Variants in LARGE1 observed in about 807,000 individuals in gnomAD.
LARGE1 encodes the protein LARGE xylosyl- and glucuronyltransferase 1.
In LARGE1, 43 loss-of-function variants were observed where a neutral mutation model predicts 87.6. The observed-to-expected ratio is 0.49, with a 90% CI of 0.38 to 0.63. The LOEUF (loss-of-function observed/expected upper bound fraction) is 0.63. Ranked by LOEUF, LARGE1 falls within the 30% of genes least tolerant of loss-of-function variation. LARGE1 has a pLI of 0.00. For missense variants in LARGE1, 802 were observed against 1,000.2 expected (o/e 0.80, Z 2.67); for synonymous variants, 434 against 394.6 (o/e 1.10, Z -1.18).
chr22:33,375,462 A>G (rs1262771937), intron 9 of LARGE1, among the ~76,000 whole-genome samples: 3 of 151,750 alleles, frequency 2.0e-5, no homozygotes, highest in African/African-American at 7.3e-5. Flanking sequence ...AGCCTGGCAT[A>G]CATGGTGAAA....
intron 11 of LARGE1, among the ~76,000 whole-genome samples, chr22:33,264,294 C>T (rs1927804908): frequency 6.6e-6 from 1 of 152,222 alleles, no homozygotes; most frequent in Admixed American, 6.5e-5. Context: ...TAAAAAGTCT[C>T]ATCCTAATCC....
intron 2 of LARGE1, chr22:33,744,285 T>C (rs2083998074): frequency 6.6e-6 from 1 of 152,202 alleles, no homozygotes; most frequent in African/African-American, 2.4e-5. Context: ...TTGTTTCCAC[T>C]TACACATGAG....
intron 6 of LARGE1, among the ~76,000 whole-genome samples, chr22:33,467,103 T>G (rs1017043789): frequency 6.6e-6 from 1 of 152,242 alleles, no homozygotes; most frequent in Admixed American, 6.5e-5. Context: ...GGAATGATAT[T>G]GTTTCAACTG....
chr22:33,633,920 G>A (rs2080184667), intron 3 of LARGE1, among the ~76,000 whole-genome samples: 1 of 152,180 alleles, frequency 6.6e-6, no homozygotes, highest in African/African-American at 2.4e-5. Flanking sequence ...CAAGAGCAGA[G>A]AGACCTCGAT....
At chr22:33,820,233 T>C (rs753895126) in intron 1 of LARGE1, among the ~76,000 whole-genome samples, 1 of 152,180 alleles carries the variant, frequency 6.6e-6, no homozygotes, top group African/African-American at 2.4e-5. Flanking sequence ...ATATAAGATC[T>C]GACATAAGGC....
At chr22:33,335,050 G>A (rs80183964) in intron 10 of LARGE1, among the ~76,000 whole-genome samples, 1,720 of 152,352 alleles carry the variant, frequency 0.011, 37 homozygotes, top group African/African-American at 0.038. Flanking sequence ...GGAATGCACT[G>A]ATACAAATGA....
chr22:33,265,856 G>A (rs1284088462), intron 11 of LARGE1, among the ~76,000 whole-genome samples: 3 of 152,182 alleles, frequency 2.0e-5, no homozygotes, highest in African/African-American at 7.2e-5. Context: ...GTGGTCCTCT[G>A]TATCACAAGG....
rs1225216405 is a variant in LARGE1, at chr22:33,891,011, TATG to T, written c.-83+28981_-83+28983del. Among the ~76,000 whole-genome samples, 296 of 148,356 alleles carry T rather than the reference TATG, an allele frequency of 2.0e-3. 2 individuals carry two copies. Among genetic ancestry groups the T allele is most frequent in the African/African-American group, 7.1e-3 (282 of 39,964 alleles). On this transcript the variant is annotated intron_variant, in intron 1 of 14. Coordinates refer to ENST00000397394, the MANE Select transcript of LARGE1 (RefSeq NM_133642.5). ...GTCCCCGAAGCTACCCTGGGCTCCA[TATG>T]GTTCTGTGCATATGGGAAGCTGCAT...
At chr22:33,477,884 C>T (rs893248558) in intron 6 of LARGE1, among the ~76,000 whole-genome samples, 10 of 152,200 alleles carry the variant, frequency 6.6e-5, no homozygotes, top group African/African-American at 2.4e-4. Flanking sequence ...AATACTCACC[C>T]TCTGCTGAAA....
intron 12 of LARGE1, among the ~76,000 whole-genome samples, chr22:33,283,702 G>A (rs911314473): frequency 2.6e-5 from 4 of 151,932 alleles, no homozygotes; most frequent in Non-Finnish European, 4.4e-5. Flanking sequence ...GCTGGAGCCC[G>A]GGAGGCAGAG....
At chr22:33,149,396 A>T in the LARGE1 span, among the ~76,000 whole-genome samples, 20 of 152,208 alleles carry the variant, frequency 1.3e-4, no homozygotes, top group African/African-American at 4.3e-4. Context: ...AATAAGGCCC[A>T]CCATATTGGT....
At chr22:33,599,034 G>A (rs1422787095) in intron 5 of LARGE1, among the ~76,000 whole-genome samples, 1 of 152,162 alleles carries the variant, frequency 6.6e-6, no homozygotes, top group African/African-American at 2.4e-5. Flanking sequence ...ATGGAAAAGA[G>A]GAATTTTGAA....
rs576035012 is a variant in LARGE1, at chr22:33,262,980, T to C, written c.1730+41249A>G. Among the ~76,000 whole-genome samples, 4 of 149,586 alleles carry C rather than the reference T, an allele frequency of 2.7e-5. No individual in the cohort carries two copies. In the East Asian group the frequency reaches 6.3e-4, roughly 24 times the overall value. On this transcript the variant is annotated intron_variant, in intron 11 of 11. Coordinates refer to the LARGE1 transcript ENST00000608642. ...TGATCTCAGCTCACTGAAACCTCCA[T>C]CTTGGGGGTTCAAGTGATTCTTCTG...
intron 14 of LARGE1, among the ~76,000 whole-genome samples, chr22:33,275,664 A>G (rs1929113428): frequency 6.6e-6 from 1 of 152,228 alleles, no homozygotes; most frequent in Non-Finnish European, 1.5e-5. Flanking sequence ...TTATTTCCTT[A>G]AGGTACTGGA....
In LARGE1 at chr22:33,550,174, CACAT is replaced by C. The variant is rs1374645438; in HGVS notation, c.787+14670_787+14673del. Among the ~76,000 whole-genome samples the C allele has an allele frequency of 6.9e-3, 887 of 128,230 alleles. 4 individuals carry two copies. The highest frequency in any genetic ancestry group is 0.012 in the Non-Finnish European group (625 of 54,020). 84.1% of individuals were successfully genotyped at this position (128,230 alleles called of 152,430 possible). On this transcript the variant is annotated intron_variant, in intron 6 of 14. Coordinates refer to ENST00000397394, the MANE Select transcript of LARGE1 (RefSeq NM_133642.5). Reference sequence around the variant, plus strand: ...ACACACACACACACACACACACACACACATATATATATATGTATGTATGTATATA... The same window carrying C: ...ACACACACACACACACACACACACACATATATATATGTATGTATGTATATA...
At chr22:33,568,361 T>G (rs1380937120) in intron 5 of LARGE1, among the ~76,000 whole-genome samples, 2 of 152,130 alleles carry the variant, frequency 1.3e-5, no homozygotes, top group African/African-American at 4.8e-5. Context: ...ATCAGCCTCA[T>G]GGAGCATAAA....
intron 9 of LARGE1, among the ~76,000 whole-genome samples, chr22:33,368,525 C>G (rs935713255): frequency 6.9e-5 from 8 of 115,888 alleles, no homozygotes; most frequent in African/African-American, 2.5e-4. Flanking sequence ...CAGAGCAAGA[C>G]TCTTTCTCAA....
At chr22:33,550,162 CACACACACACACACAT>C (rs533472026) in intron 6 of LARGE1, among the ~76,000 whole-genome samples, 1,671 of 148,008 alleles carry the variant, frequency 0.011, 17 homozygotes, top group Middle Eastern at 0.024. Flanking sequence ...CACACACACA[CACACACACACACACAT>C]ATATATATAT....
At chr22:33,293,005 CAT>C (rs1426526056) in intron 12 of LARGE1, among the ~76,000 whole-genome samples, 13 of 152,284 alleles carry the variant, frequency 8.5e-5, no homozygotes, top group African/African-American at 3.1e-4. Flanking sequence ...TAAATGAACA[CAT>C]ATAACTTTGT....
Sources: gnomAD v4.1 joint callset for allele counts (sites outside exome capture counted in the v4.1 genomes callset) on GRCh38, gnomAD v4.1.1 for gene constraint, MANE v1.5 for transcripts, NCBI Gene and HGNC (gene_info 2026-07-23, HGNC 2026-07-21) for gene names.